TULP4: variants seen among roughly 807,000 people sequenced by gnomAD.
TULP4 encodes the protein tubby-related protein 4.
Under a neutral mutation model 129.0 loss-of-function variants are expected in TULP4, and 16 were observed. The observed-to-expected ratio is 0.12, with a 90% CI of 0.08 to 0.19. The LOEUF (loss-of-function observed/expected upper bound fraction) is 0.19, where lower values mean the gene tolerates loss of function less well. Ranked by LOEUF, TULP4 falls within the 10% of genes least tolerant of loss-of-function variation. The pLI, the probability that TULP4 is intolerant of heterozygous loss-of-function variation, is 1.00. For missense variants in TULP4, 1,842 were observed against 2,059.1 expected (o/e 0.89, Z 2.04); for synonymous variants, 998 against 854.0 (o/e 1.17, Z -2.94).
In TULP4 at chr6:158,508,002, T is replaced by C. The variant is rs1262760421; in HGVS notation, c.*1308T>C. The C allele has an allele frequency of 6.6e-6, 1 of 152,184 alleles. No homozygotes were observed. Among genetic ancestry groups the C allele is most frequent in the East Asian group, 1.9e-4 (1 of 5,202 alleles). The allele number at this position is 152,184 out of a possible 1,614,324, so 9.4% of individuals were successfully genotyped here. ...AACCACTGAGAAAACGTTATTAAAA[T>C]TGTAATACCTAGGTAGTTGGTTGAT... On this transcript the variant is annotated 3_prime_UTR_variant, in exon 14 of 14. Transcript: ENST00000367097.
chr6:158,357,579 G>T (rs918756257), intron 1 of TULP4, among the ~76,000 whole-genome samples: 1 of 152,192 alleles, frequency 6.6e-6, no homozygotes, highest in South Asian at 2.1e-4. Context: ...GCTTTCTGCT[G>T]TTGTTTTTAC....
intron 6 of TULP4, among the ~76,000 whole-genome samples, chr6:158,468,113 C>T (rs1198765386): frequency 1.3e-5 from 2 of 152,134 alleles, no homozygotes; most frequent in African/African-American, 2.4e-5. Flanking sequence ...TAAACAGTTG[C>T]GACTCCACTC....
At chr6:158,294,389 A>G (rs1450499791) in intron 1 of TULP4, among the ~76,000 whole-genome samples, 1 of 152,066 alleles carries the variant, frequency 6.6e-6, no homozygotes, top group Non-Finnish European at 1.5e-5. Context: ...AAAAAAATAA[A>G]TAAAGCAGGT....
chr6:158,364,769 T>C (rs1583798512), intron 1 of TULP4, among the ~76,000 whole-genome samples: 2 of 152,032 alleles, frequency 1.3e-5, no homozygotes, highest in South Asian at 4.2e-4. Context: ...CGGAGTCTCA[T>C]TCTGTCACCC....
At chr6:158,239,072 C>T (rs1583663873) in intron 1 of TULP4, among the ~76,000 whole-genome samples, 2 of 129,090 alleles carry the variant, frequency 1.5e-5, no homozygotes, top group Non-Finnish European at 3.6e-5. Flanking sequence ...CCCCCCACCT[C>T]CCTCCCGGAC....
intron 1 of TULP4, among the ~76,000 whole-genome samples, chr6:158,269,621 A>G (rs1300851198): frequency 2.6e-5 from 4 of 152,338 alleles, no homozygotes; most frequent in Admixed American, 6.5e-5. Flanking sequence ...ATCAGGGTCA[A>G]TGATAATTGT....
intron 1 of TULP4, among the ~76,000 whole-genome samples, chr6:158,384,225 C>T (rs1385694224): frequency 6.6e-6 from 1 of 151,400 alleles, no homozygotes. Context: ...ATGTAGTATA[C>T]GTTATGACAA....
At chr6:158,329,007 CAAGGAAAAA>C (rs1779814401) in intron 1 of TULP4, among the ~76,000 whole-genome samples, 1 of 152,112 alleles carries the variant, frequency 6.6e-6, no homozygotes, top group Non-Finnish European at 1.5e-5. Context: ...AAGGGTGCCA[CAAGGAAAAA>C]CGTGAGAATT....
At chr6:158,442,237 G>A (rs1250510822) in intron 3 of TULP4, among the ~76,000 whole-genome samples, 1 of 152,122 alleles carries the variant, frequency 6.6e-6, no homozygotes, top group Non-Finnish European at 1.5e-5. Context: ...CTCATTTGTT[G>A]AGAAGTTTAT....
intron 2 of TULP4, among the ~76,000 whole-genome samples, chr6:158,423,049 G>A (rs780129281): frequency 3.3e-4 from 50 of 151,444 alleles, no homozygotes; most frequent in Non-Finnish European, 6.3e-4. Flanking sequence ...GGCAGAGGCC[G>A]GAGGATAGCT....
At chr6:158,325,311 G>A (rs966952147) in intron 1 of TULP4, among the ~76,000 whole-genome samples, 73 of 150,706 alleles carry the variant, frequency 4.8e-4, no homozygotes, top group African/African-American at 1.7e-3. Flanking sequence ...ACTCTTAATT[G>A]TAGCCAGTTA....
chr6:158,461,819 C>CT (rs2115184635), intron 6 of TULP4, 90 bp downstream of exon 6: 4 of 1,417,782 alleles, frequency 2.8e-6, no homozygotes, highest in Non-Finnish European at 3.8e-6. Flanking sequence ...TTATTTTAAT[C>CT]TTTTTTTACC....
chr6:158,295,626 T>C (rs1779014465), intron 1 of TULP4, among the ~76,000 whole-genome samples: 1 of 152,078 alleles, frequency 6.6e-6, no homozygotes, highest in Non-Finnish European at 1.5e-5. Flanking sequence ...ATGGTGGCTT[T>C]CGCCTGTAGT....
In TULP4 at chr6:158,502,420, G is replaced by T. The variant is rs1204549003; in HGVS notation, c.2757G>T (p.Pro919=). The T allele has an allele frequency of 1.9e-6, 3 of 1,613,556 alleles. No homozygotes were observed. Among genetic ancestry groups the T allele is most frequent in the African/African-American group, 2.7e-5 (2 of 74,942 alleles). The change falls in exon 13 of 14, where the codon CCG becomes CCT. Residue 919 remains proline (P), a synonymous_variant. Transcript: ENST00000367097. ...CSQNTYTLPG[P]GSSATLRLTA... is the part of the protein sequence containing the mutation. ...AGAACACGTACACCCTCCCCGGCCC[G>T]GGTAGCTCTGCCACCTTGAGGCTCA...
intron 13 of TULP4, among the ~76,000 whole-genome samples, chr6:158,505,999 C>T (rs1429160192): frequency 3.3e-5 from 5 of 151,906 alleles, no homozygotes; most frequent in South Asian, 2.1e-4. Context: ...TAACTTTTCA[C>T]GGATGGAGCT....
Position 158,503,711 on chromosome 6 carries a change from G to T in TULP4, c.4048G>T (p.Val1350Phe), listed in dbSNP as rs140677029. Residue 1350 changes from valine (V) to phenylalanine (F), a missense_variant, in exon 13 of 14, where the codon GTT becomes TTT. This residue lies in a region of TULP4 where 1,089 missense variants were observed against 987.1 expected (regional missense o/e 1.10). Coordinates refer to ENST00000367097, the MANE Select transcript of TULP4 (RefSeq NM_020245.5). This position sits in a 1 kb window ranked among gnomAD's most constrained non-coding sequence, Gnocchi z 4.3. The part of the protein sequence containing the change: ...RLDSRAEEGS[V>F]QAITEGKVKK... ...GGACAGCCGAGCAGAAGAAGGCAGC[G>T]TTCAGGCCATCACTGAGGGCAAAGT... is the stretch of plus-strand genomic sequence containing the variant. The T allele has an allele frequency of 6.2e-7, 1 of 1,614,056 alleles. No homozygotes were observed. Among genetic ancestry groups the T allele is most frequent in the East Asian group, 2.2e-5 (1 of 44,892 alleles).
At chr6:158,251,723 C>T (rs542113880) in intron 1 of TULP4, among the ~76,000 whole-genome samples, 1 of 152,252 alleles carries the variant, frequency 6.6e-6, no homozygotes, top group Non-Finnish European at 1.5e-5. Context: ...GAAGCTTTTC[C>T]ACTTCCCTCT....
intron 1 of TULP4, among the ~76,000 whole-genome samples, chr6:158,260,949 T>C (rs569022400): frequency 2.0e-5 from 3 of 151,550 alleles, no homozygotes; most frequent in African/African-American, 7.3e-5. Context: ...GCCTCCCGAG[T>C]AGCTGGGATT....
At chr6:158,381,127 G>A (rs1467699898) in intron 1 of TULP4, among the ~76,000 whole-genome samples, 1 of 150,190 alleles carries the variant, frequency 6.7e-6, no homozygotes, top group African/African-American at 2.5e-5. Context: ...TGGGAGAAAC[G>A]ACTGCAGGCA....
Sources: allele counts gnomAD v4.1 joint callset (sites outside exome capture counted in the v4.1 genomes callset), GRCh38; gene constraint gnomAD v4.1.1; regional missense constraint gnomAD v4.1.1; non-coding constraint Gnocchi (gnomAD v3.1); transcripts MANE v1.5; gene names NCBI Gene and HGNC (gene_info 2026-07-23, HGNC 2026-07-21).